The following ZNG1A variants were observed in gnomAD, a reference collection of about 807,000 sequenced individuals.
The protein encoded by ZNG1A is zinc-regulated GTPase metalloprotein activator 1A.
the ZNG1A span, among the ~76,000 whole-genome samples, chr9:178,352 G>A: frequency 1.3e-5 from 2 of 152,016 alleles, no homozygotes; most frequent in Admixed American, 6.6e-5. Context: ...GGAGGACTCT[G>A]GCTCGTGGGG....
the ZNG1A span, among the ~76,000 whole-genome samples, chr9:158,655 T>C: frequency 1.3e-5 from 2 of 150,858 alleles, no homozygotes; most frequent in African/African-American, 2.5e-5. Context: ...AAGCTAACAG[T>C]GGTAGACTAA....
chr9:161,180 A>C, the ZNG1A span, among the ~76,000 whole-genome samples: 1 of 152,152 alleles, frequency 6.6e-6, no homozygotes, highest in East Asian at 1.9e-4. Context: ...AAACATTAAC[A>C]AGTTCAGGCC....
chr9:139,504 G>T, the ZNG1A span, among the ~76,000 whole-genome samples: 2 of 151,496 alleles, frequency 1.3e-5, no homozygotes, highest in Admixed American at 1.3e-4. Flanking sequence ...TAAGAGGGTA[G>T]ATCTCATGTT....
chr9:142,146 C>T, the ZNG1A span, among the ~76,000 whole-genome samples: 1 of 149,096 alleles, frequency 6.7e-6, no homozygotes, highest in East Asian at 2.0e-4. Flanking sequence ...GACAGAAAAC[C>T]AACAAGCATA....
the ZNG1A span, among the ~76,000 whole-genome samples, chr9:162,753 G>C: frequency 6.7e-6 from 1 of 150,260 alleles, no homozygotes; most frequent in Non-Finnish European, 1.5e-5. Context: ...AGATTTCCTT[G>C]GCACTGAAAA....
chr9:157,455 A>G, the ZNG1A span, among the ~76,000 whole-genome samples: 2 of 130,832 alleles, frequency 1.5e-5, no homozygotes, highest in Non-Finnish European at 3.2e-5. Context: ...ACTAGATTAT[A>G]GTAATACTCT....
chr9:175,870 GAA>G, the ZNG1A span: 1 of 1,322,898 alleles, frequency 7.6e-7, no homozygotes, highest in Non-Finnish European at 1.0e-6. Flanking sequence ...ACGTTTTTGA[GAA>G]TTTGCGTGCT....
At chr9:135,174 C>T in the ZNG1A span, 5 of 1,493,286 alleles carry the variant, frequency 3.3e-6, no homozygotes, top group Non-Finnish European at 4.5e-6. Flanking sequence ...AAGTTGTTCG[C>T]AAATTCCAAT....
the ZNG1A span, chr9:154,043 A>C: frequency 6.6e-6 from 1 of 152,330 alleles, no homozygotes; most frequent in Admixed American, 6.5e-5. Context: ...GGGAGTCTCC[A>C]GAACAGTCAG....
chr9:172,570 A>C, the ZNG1A span: 1 of 159,450 alleles, frequency 6.3e-6, no homozygotes, highest in Non-Finnish European at 1.4e-5. Flanking sequence ...TCTATTTTAC[A>C]TTAGGATGCA....
the ZNG1A span, among the ~76,000 whole-genome samples, chr9:139,496 A>G: frequency 6.6e-6 from 1 of 151,546 alleles, no homozygotes; most frequent in Non-Finnish European, 1.5e-5. Flanking sequence ...AAAATTGTTA[A>G]GAGGGTAGAT....
chr9:156,059 G>A, the ZNG1A span, among the ~76,000 whole-genome samples: 3 of 150,662 alleles, frequency 2.0e-5, no homozygotes, highest in African/African-American at 7.3e-5. Context: ...AGAATCGCTT[G>A]AACCTGGGAG....
At chr9:146,345 G>C in the ZNG1A span, 5 of 538,820 alleles carry the variant, frequency 9.3e-6, no homozygotes, top group Non-Finnish European at 1.5e-5. Flanking sequence ...AATGAATTAG[G>C]TTTCTTTAAA....
At chr9:178,934 C>G in the ZNG1A span, 1 of 1,110,268 alleles carries the variant, frequency 9.0e-7, no homozygotes, top group East Asian at 2.5e-5. Context: ...CCGCAGGATC[C>G]TCCTCCTCAT....
At chr9:160,739 T>TAA in the ZNG1A span, among the ~76,000 whole-genome samples, 2,621 of 120,564 alleles carry the variant, frequency 0.022, 23 homozygotes, top group African/African-American at 0.04. Context: ...TCTATCAAAA[T>TAA]AAAAAAAAAA....
At chr9:177,798 T>A in the ZNG1A span, 22 of 1,523,186 alleles carry the variant, frequency 1.4e-5, no homozygotes, top group South Asian at 2.2e-4. Flanking sequence ...GTTCATCTTC[T>A]CAGCAGAGCA....
the ZNG1A span, chr9:121,302 A>G: frequency 1.2e-6 from 1 of 808,322 alleles, no homozygotes; most frequent in Non-Finnish European, 1.9e-6. Flanking sequence ...TGAATGTTAA[A>G]TGTTTTACAG....
the ZNG1A span, chr9:172,067 A>G: frequency 6.2e-7 from 1 of 1,610,740 alleles, no homozygotes; most frequent in Non-Finnish European, 8.5e-7. Flanking sequence ...GTTATTAATA[A>G]TCTCACTTCT....
chr9:165,161 T>G, the ZNG1A span, among the ~76,000 whole-genome samples: 2 of 152,136 alleles, frequency 1.3e-5, no homozygotes, highest in Non-Finnish European at 2.9e-5. Flanking sequence ...AATAAGAATT[T>G]TGTTCACTTT....
Sources: allele counts gnomAD v4.1 joint callset (sites outside exome capture counted in the v4.1 genomes callset), GRCh38; gene constraint gnomAD v4.1.1; transcripts MANE v1.5; gene names NCBI Gene and HGNC (gene_info 2026-07-23, HGNC 2026-07-21).